KDM5B: variants seen among roughly 807,000 people sequenced by gnomAD.
KDM5B encodes the protein lysine demethylase 5B, also known as lysine-specific demethylase 5B.
In KDM5B, 144 loss-of-function variants were observed where a neutral mutation model predicts 193.4. The ratio of observed to expected loss-of-function variants is 0.74; its 90% CI spans 0.65 to 0.86. The LOEUF (loss-of-function observed/expected upper bound fraction) is 0.86. Ranked by LOEUF, KDM5B falls within the 40% of genes least tolerant of loss-of-function variation. The pLI is 0.00. For synonymous variants in KDM5B, 668 were observed against 682.6 expected (o/e 0.98, Z 0.33); for missense variants, 1,833 against 1,886.9 (o/e 0.97, Z 0.53).
At chr1:202,756,225 CTCTT>C (rs1656005446) in intron 10 of KDM5B, 129 bp downstream of exon 10, 1 of 746,802 alleles carries the variant, frequency 1.3e-6, no homozygotes, top group Non-Finnish European at 2.2e-6. Context: ...CTTCTGTAGG[CTCTT>C]TCTACTTTTC....
chr1:202,761,732 A>G (rs567801382), intron 7 of KDM5B, among the ~76,000 whole-genome samples: 2 of 152,272 alleles, frequency 1.3e-5, no homozygotes, highest in African/African-American at 4.8e-5. Context: ...GAAGAAATCA[A>G]CCCTGCCAAC....
intron 1 of KDM5B, among the ~76,000 whole-genome samples, chr1:202,802,097 G>T (rs1397017784): frequency 1.3e-5 from 2 of 151,982 alleles, no homozygotes; most frequent in Non-Finnish European, 1.5e-5. Context: ...GACTGTCCAA[G>T]GATGAAAGCA....
chr1:202,806,222 A>G (rs1363441407), intron 1 of KDM5B, among the ~76,000 whole-genome samples: 1 of 152,238 alleles, frequency 6.6e-6, no homozygotes, highest in African/African-American at 2.4e-5. Flanking sequence ...CAGCCCTGGT[A>G]TACCACAATA....
At chr1:202,786,167 T>TG (rs34678902) in intron 1 of KDM5B, among the ~76,000 whole-genome samples, 6 of 9,836 alleles carry the variant, frequency 6.1e-4, no homozygotes, top group African/African-American at 7.8e-4. Context: ...GACCAGCTAA[T>TG]TTTTTTTTTT....
chr1:202,782,001 TATATACACA>T (rs1657217279), intron 1 of KDM5B, among the ~76,000 whole-genome samples: 1 of 87,636 alleles, frequency 1.1e-5, no homozygotes, highest in Non-Finnish European at 3.4e-5. Flanking sequence ...TATGTATGAA[TATATACACA>T]ATATACTTAT....
rs751515668 is a variant in KDM5B, at chr1:202,733,825, G to C, written c.3485C>G (p.Ala1162Gly). The change falls in exon 23 of 27, where the codon GCC (alanine) becomes GGC (glycine). Residue 1162 changes from alanine to glycine, a missense_variant. This residue lies in a region of KDM5B where 1,379 missense variants were observed against 1,349.6 expected (regional missense o/e 1.02). Coordinates refer to ENST00000367265, the MANE Select transcript of KDM5B (RefSeq NM_006618.5). ...EMEALQSLRLANEGKLLSPLQ... is the reference protein window; with the variant it reads ...EMEALQSLRLGNEGKLLSPLQ... The stretch of plus-strand genomic sequence containing the variant: ...AGGCGACAGCAATTTCCCTTCATTG[G>C]CGAGTCTGAGAGACTGCAAGGCTTC... 2 of 1,614,058 alleles carry C rather than the reference G, an allele frequency of 1.2e-6. No individual in the cohort carries two copies. Among genetic ancestry groups the C allele is most frequent in the Non-Finnish European group, 1.7e-6 (2 of 1,179,986 alleles).
chr1:202,807,464 G>C (rs1658346760), intron 1 of KDM5B, among the ~76,000 whole-genome samples: 1 of 148,844 alleles, frequency 6.7e-6, no homozygotes, highest in South Asian at 2.1e-4. Context: ...CCCCCTTCTT[G>C]ACCCCGGCCC....
chr1:202,764,636 A>AAAACAAAC (rs964106670), intron 5 of KDM5B, among the ~76,000 whole-genome samples: 1 of 152,086 alleles, frequency 6.6e-6, no homozygotes, highest in Non-Finnish European at 1.5e-5. Flanking sequence ...CTCTATCTCA[A>AAAACAAAC]AAACAAACAA....
chr1:202,739,016 C>T (rs1295893193), intron 20 of KDM5B, among the ~76,000 whole-genome samples: 1 of 152,080 alleles, frequency 6.6e-6, no homozygotes, highest in South Asian at 2.1e-4. Context: ...TGGGAGGGTA[C>T]TTTTAAGTCA....
chr1:202,785,096 T>C (rs1302231236), intron 1 of KDM5B, among the ~76,000 whole-genome samples: 2 of 152,104 alleles, frequency 1.3e-5, no homozygotes, highest in Non-Finnish European at 2.9e-5. Context: ...CATTAAATTG[T>C]AAAGTAAAAG....
intron 1 of KDM5B, among the ~76,000 whole-genome samples, chr1:202,786,462 G>A (rs971379230): frequency 3.3e-5 from 5 of 152,184 alleles, no homozygotes; most frequent in East Asian, 1.9e-4. Flanking sequence ...CTTGTATACT[G>A]TAAAAGTTAA....
In KDM5B at chr1:202,755,340, C is replaced by G; in HGVS notation, c.1469G>C (p.Gly490Ala). 1 of 1,613,996 alleles carries G rather than the reference C, an allele frequency of 6.2e-7. No homozygotes were observed. Among genetic ancestry groups the G allele is most frequent in the South Asian group, 1.1e-5 (1 of 91,068 alleles). ...CGMKLPWLYVGMCFSSFCWHI... is the reference protein window; with the variant it reads ...CGMKLPWLYVAMCFSSFCWHI... ...CCAACAGAATGAAGAAAAGCACATT[C>G]CCACATACAACCAAGGAAGTTTCAT... Residue 490 changes from glycine (G) to alanine (A), a missense_variant, in exon 11 of 27, where the codon GGA (glycine) becomes GCA (alanine). By Grantham distance (60) the Gly-to-Ala change is moderately conservative. Coordinates refer to ENST00000367265, the MANE Select transcript of KDM5B (RefSeq NM_006618.5).
chr1:202,789,646 A>G (rs566301399), intron 1 of KDM5B, among the ~76,000 whole-genome samples: 56 of 150,892 alleles, frequency 3.7e-4, no homozygotes, highest in African/African-American at 1.3e-3. Context: ...CAAATTCAAG[A>G]CCAGCCAGAG....
rs757226173 is a variant in KDM5B, at chr1:202,733,926, G to C, written c.3424-40C>G. The C allele has an allele frequency of 3.8e-6, 6 of 1,560,188 alleles. No individual in the cohort carries two copies. In the South Asian group the frequency reaches 7.4e-5, roughly 19 times the overall value. ...ACAATCAAGGATGATGTCCGAGATG[G>C]CTTGGCCTTCCCCTAAAACTCAGAG... is the stretch of plus-strand genomic sequence containing the variant. On this transcript the variant is annotated intron_variant, in intron 22 of 26. Transcript: ENST00000367265.
In KDM5B at chr1:202,758,635, C is replaced by T. The variant is rs562570928; in HGVS notation, c.1078-125G>A. ...TTATTTTACTTCTATGCTAGGTCTA[C>T]ATTATAAAAATAAACCTGCCTGAAA... On this transcript the variant is annotated intron_variant, in intron 8 of 26. Transcript: ENST00000367265. 3 of 655,158 alleles carry T rather than the reference C, an allele frequency of 4.6e-6. No homozygotes were observed. In the South Asian group the frequency reaches 1.4e-4, roughly 31 times the overall value. 40.6% of individuals were successfully genotyped at this position (655,158 alleles called of 1,614,324 possible).
At chr1:202,732,123 T>C in intron 23 of KDM5B, 184 bp from the exon 24 acceptor site, 1 of 547,868 alleles carries the variant, frequency 1.8e-6, no homozygotes, top group East Asian at 3.2e-5. Context: ...AACTCATATC[T>C]TCCCAAAGAC....
At chr1:202,763,367 A>G (rs911544875) in intron 6 of KDM5B, among the ~76,000 whole-genome samples, 1 of 152,180 alleles carries the variant, frequency 6.6e-6, no homozygotes, top group Non-Finnish European at 1.5e-5. Context: ...TTCAAAGGTA[A>G]GAAAACTGAT....
intron 20 of KDM5B, among the ~76,000 whole-genome samples, chr1:202,740,202 C>G (rs1655262030): frequency 6.7e-6 from 1 of 149,984 alleles, no homozygotes; most frequent in African/African-American, 2.5e-5. Context: ...CCCCTCACCT[C>G]CCGGACGGGG....
intron 1 of KDM5B, among the ~76,000 whole-genome samples, chr1:202,784,258 AAGTATATGCTCTACAG>A (rs931339252): frequency 2.6e-5 from 4 of 152,214 alleles, no homozygotes; most frequent in African/African-American, 9.6e-5. Context: ...CAAAATGAAA[AAGTATATGCTCTACAG>A]AGGCTACGAA....
Sources: allele counts gnomAD v4.1 joint callset (sites outside exome capture counted in the v4.1 genomes callset), GRCh38; gene constraint gnomAD v4.1.1; regional missense constraint gnomAD v4.1.1; transcripts MANE v1.5; gene names NCBI Gene and HGNC (gene_info 2026-07-23, HGNC 2026-07-21).